The following DMD variants were observed in gnomAD, a reference collection of about 807,000 sequenced individuals.
DMD encodes mutant dystrophin.
A neutral mutation model predicts 330.1 loss-of-function variants in DMD; 63 were observed. The observed-to-expected ratio is 0.19, with a 90% CI of 0.16 to 0.24. DMD has a LOEUF of 0.24. DMD is among the 10% of genes least tolerant of loss of function. The pLI is 1.00. For synonymous variants in DMD, 1,223 were observed against 959.8 expected (o/e 1.27, Z -5.07); for missense variants, 3,344 against 2,684.1 (o/e 1.25, Z -5.43).
At chrX:31,654,822 C>A (rs2080682226) in intron 54 of DMD, among the ~76,000 whole-genome samples, 1 of 110,423 alleles carries the variant, frequency 9.1e-6, no homozygotes, top group African/African-American at 3.3e-5. Flanking sequence ...AGGATTAATA[C>A]CTAGGTGATG....
chrX:32,085,603 T>TATAC (rs1380969565), intron 44 of DMD, among the ~76,000 whole-genome samples: 2 of 97,777 alleles, frequency 2.0e-5, no homozygotes, highest in African/African-American at 7.8e-5. Flanking sequence ...TATGTATATA[T>TATAC]GTGTATATAT....
chrX:31,756,800 CTG>C (rs1199235588), intron 51 of DMD, among the ~76,000 whole-genome samples: 1 of 112,266 alleles, frequency 8.9e-6, no homozygotes, highest in African/African-American at 3.2e-5. Flanking sequence ...AAGCCAAACA[CTG>C]TATGTTTAAA....
intron 9 of DMD, among the ~76,000 whole-genome samples, chrX:32,676,797 C>A (rs2062001835): frequency 1.8e-5 from 2 of 111,168 alleles, no homozygotes; most frequent in South Asian, 3.7e-4. Flanking sequence ...GATTATATAT[C>A]TTAATGTAGT....
At chrX:31,773,271 C>A (rs763397360) in intron 51 of DMD, among the ~76,000 whole-genome samples, 13 of 111,746 alleles carry the variant, frequency 1.2e-4, no homozygotes, top group East Asian at 8.4e-4. Context: ...TTTGATCTAG[C>A]TAGGTAAACC....
rs1481445275 is a variant in DMD, at chrX:32,483,164, T to TATATATATATATATATATATACAC, written c.2803+1754_2803+1755insGTGTATATATATATATATATATAT. On this transcript the variant is annotated intron_variant, in intron 21 of 78. Coordinates refer to ENST00000357033, the MANE Select transcript of DMD (RefSeq NM_004006.3). ...TTCATTCCATATATATATATATATA[T>TATATATATATATATATATATACAC]ACACCATATTTAATTAAAGGGTTAT... Among the ~76,000 whole-genome samples, 453 of 61,600 alleles carry TATATATATATATATATATATACAC rather than the reference T, an allele frequency of 7.4e-3. 26 individuals carry two copies. Among genetic ancestry groups the TATATATATATATATATATATACAC allele is most frequent in the Non-Finnish European group, 0.013 (388 of 29,012 alleles). 53.5% of individuals were successfully genotyped at this position (61,600 alleles called of 115,157 possible). A position where few individuals can be genotyped will look rare whatever the true frequency, so the allele number is the denominator to read the frequency against.
intron 1 of DMD, among the ~76,000 whole-genome samples, chrX:33,042,588 A>T (rs1055090121): frequency 4.4e-5 from 5 of 112,395 alleles, no homozygotes; most frequent in African/African-American, 1.6e-4. Context: ...AAAGTAAACA[A>T]AGTTAATGAT....
intron 7 of DMD, among the ~76,000 whole-genome samples, chrX:32,744,399 G>A (rs2069707398): frequency 9.1e-6 from 1 of 110,421 alleles, no homozygotes; most frequent in African/African-American, 3.3e-5. Flanking sequence ...TGATCTTGGT[G>A]TCTTCTTCTC....
chrX:31,348,577 C>T lies in DMD; in HGVS notation c.9142G>A (p.Ala3048Thr), dbSNP rs2058224821. 2 of 1,209,560 alleles carry T rather than the reference C, an allele frequency of 1.7e-6. No individual in the cohort carries two copies. The highest frequency in any genetic ancestry group is 2.2e-6 in the Non-Finnish European group (2 of 894,853). The change falls in exon 61 of 79, where the codon GCA (alanine) becomes ACA (threonine). Residue 3048 changes from alanine (A) to threonine (T), a missense_variant. Ala to Thr is a moderately conservative substitution (Grantham distance 58). Coordinates refer to ENST00000357033, the MANE Select transcript of DMD (RefSeq NM_004006.3). ...TTACTGGAAAGAAAGTGCTGAGATG[C>T]TGGACCAAAGTCCCTGTGGGCTTCA... is the stretch of plus-strand genomic sequence containing the variant. ...LHEAHRDFGP[A>T]SQHFLSTSVQ... is the part of the protein sequence containing the mutation.
intron 9 of DMD, among the ~76,000 whole-genome samples, chrX:32,671,930 T>A (rs2061660921): frequency 9.0e-6 from 1 of 111,695 alleles, no homozygotes; most frequent in Admixed American, 9.5e-5. Flanking sequence ...ATTGGTTTAT[T>A]GTTTCTCTGA....
chrX:32,804,144 A>C (rs1209967911), intron 7 of DMD, among the ~76,000 whole-genome samples: 1 of 111,205 alleles, frequency 9.0e-6, no homozygotes, highest in Non-Finnish European at 1.9e-5. Flanking sequence ...ACTCCCCTGG[A>C]AAGGGGGCTG....
At chrX:31,343,236 T>C (rs1287713876) in intron 61 of DMD, among the ~76,000 whole-genome samples, 1 of 111,642 alleles carries the variant, frequency 9.0e-6, no homozygotes, top group Non-Finnish European at 1.9e-5. Flanking sequence ...TTTAAATAAT[T>C]TAAATGATAA....
chrX:32,700,385 T>C lies in DMD; in HGVS notation c.650-1092A>G, dbSNP rs760626146. Among the ~76,000 whole-genome samples, 157 of 110,118 alleles carry C rather than the reference T, an allele frequency of 1.4e-3. 9 individuals carry two copies. Among genetic ancestry groups the C allele is most frequent in the Non-Finnish European group, 4.0e-4 (21 of 52,505 alleles). The stretch of plus-strand genomic sequence containing the variant: ...AAGTTGAATTCATAGAAGTAGAGAG[T>C]AGAATGGTGTTTACCAGGGGCTGTG... On this transcript the variant is annotated intron_variant, in intron 7 of 78. Transcript: ENST00000357033.
At chrX:32,495,101 T>A (rs2043359585) in intron 19 of DMD, among the ~76,000 whole-genome samples, 2 of 112,292 alleles carry the variant, frequency 1.8e-5, no homozygotes, top group South Asian at 7.3e-4. Flanking sequence ...AATTTCTAGA[T>A]GTTACTAGAA....
At chrX:32,701,233 T>A (rs1191709398) in intron 7 of DMD, among the ~76,000 whole-genome samples, 2 of 112,050 alleles carry the variant, frequency 1.8e-5, no homozygotes, top group Non-Finnish European at 3.8e-5. Flanking sequence ...AGCAGACTGT[T>A]ACATCATCTC....
chrX:33,076,054 G>A (rs764686493), intron 1 of DMD, among the ~76,000 whole-genome samples: 154 of 111,497 alleles, frequency 1.4e-3, no homozygotes, highest in Non-Finnish European at 2.1e-3. Context: ...TGCTTGAGAC[G>A]TTTTGCAGAC....
chrX:32,437,471 T>C (rs1410468649), intron 29 of DMD, among the ~76,000 whole-genome samples: 2 of 111,956 alleles, frequency 1.8e-5, no homozygotes, highest in Non-Finnish European at 3.8e-5. Context: ...CTACCCCCCC[T>C]TATTCTCTTT....
intron 1 of DMD, among the ~76,000 whole-genome samples, chrX:33,188,361 C>T (rs2050361675): frequency 9.0e-6 from 1 of 110,677 alleles, no homozygotes; most frequent in African/African-American, 3.3e-5. Flanking sequence ...GCCCTTTGCT[C>T]TTTTCGGACA....
chrX:32,502,358 T>C (rs1175455260), intron 18 of DMD, among the ~76,000 whole-genome samples: 1 of 111,779 alleles, frequency 8.9e-6, no homozygotes, highest in African/African-American at 3.2e-5. Context: ...AGGCTAATTT[T>C]TCTTTCAAAA....
intron 44 of DMD, among the ~76,000 whole-genome samples, chrX:32,159,743 G>C (rs947339565): frequency 1.8e-5 from 2 of 111,783 alleles, no homozygotes; most frequent in Admixed American, 1.9e-4. Flanking sequence ...AGCTCAAAAT[G>C]GGGAAAGAGC....
Sources: allele counts gnomAD v4.1 joint callset (sites outside exome capture counted in the v4.1 genomes callset), GRCh38; gene constraint gnomAD v4.1.1; transcripts MANE v1.5; gene names NCBI Gene and HGNC (gene_info 2026-07-23, HGNC 2026-07-21).